SBF2: variants seen among roughly 807,000 people sequenced by gnomAD.
SBF2 encodes SET binding factor 2.
Under a neutral mutation model 225.2 loss-of-function variants are expected in SBF2, and 112 were observed. The ratio of observed to expected loss-of-function variants is 0.50; its 90% CI spans 0.43 to 0.58. The LOEUF is 0.58. SBF2 is among the 20% of genes least tolerant of loss of function. The pLI is 0.00. For missense variants in SBF2, 1,996 were observed against 2,206.2 expected, an observed-to-expected ratio of 0.90 and a Z score of 1.91; for synonymous variants, 763 against 773.3, an observed-to-expected ratio of 0.99 and a Z score of 0.22.
At chr11:10,086,457 A>G (rs375362176) in intron 2 of SBF2, among the ~76,000 whole-genome samples, 2 of 152,300 alleles carry the variant, frequency 1.3e-5, no homozygotes, top group East Asian at 3.9e-4. Context: ...ATAATATATA[A>G]GTGGCTTGCT....
chr11:9,898,913 T>C (rs998185321), intron 16 of SBF2, among the ~76,000 whole-genome samples: 2 of 151,514 alleles, frequency 1.3e-5, no homozygotes, highest in Non-Finnish European at 2.9e-5. Flanking sequence ...GGACAGAAAC[T>C]TGGGAAAGAT....
chr11:10,205,499 C>T (rs1317379626), intron 1 of SBF2, among the ~76,000 whole-genome samples: 1 of 151,702 alleles, frequency 6.6e-6, no homozygotes, highest in Admixed American at 6.6e-5. Flanking sequence ...GGACATCTTA[C>T]CTATCTCTAC....
chr11:10,186,866 A>G (rs974201188), intron 2 of SBF2, among the ~76,000 whole-genome samples: 4 of 152,230 alleles, frequency 2.6e-5, no homozygotes, highest in Non-Finnish European at 5.9e-5. Flanking sequence ...CAAAGACCAA[A>G]CATTTATTTT....
upstream of SBF2, among the ~76,000 whole-genome samples, chr11:10,294,793 G>A (rs1160245269): frequency 1.3e-5 from 2 of 152,218 alleles, no homozygotes; most frequent in African/African-American, 4.8e-5. Flanking sequence ...CGGAGCGCCC[G>A]GGAGAGCCAG....
chr11:10,146,155 A>T (rs899999995), intron 2 of SBF2, among the ~76,000 whole-genome samples: 10 of 152,198 alleles, frequency 6.6e-5, no homozygotes, highest in African/African-American at 2.4e-4. Flanking sequence ...TGCCCAAAGA[A>T]ATTTATAGAT....
At chr11:9,888,143 T>C (rs1321503577) in intron 17 of SBF2, among the ~76,000 whole-genome samples, 2 of 152,180 alleles carry the variant, frequency 1.3e-5, no homozygotes, top group African/African-American at 4.8e-5. Flanking sequence ...AACTTCTGAA[T>C]TATTAGTGAA....
At chr11:9,959,713 T>C in intron 16 of SBF2, 1 of 699,692 alleles carries the variant, frequency 1.4e-6, no homozygotes, top group South Asian at 1.4e-5. Context: ...GGCCTGGACT[T>C]TCTCACCCTG....
At chr11:9,784,924 C>T in intron 37 of SBF2, 5 of 621,000 alleles carry the variant, frequency 8.1e-6, no homozygotes, top group Non-Finnish European at 8.6e-6. Context: ...TAACTACAAC[C>T]TCTTCGAATT....
intron 2 of SBF2, among the ~76,000 whole-genome samples, chr11:10,186,885 A>G (rs753977637): frequency 1.3e-5 from 2 of 152,226 alleles, no homozygotes; most frequent in Non-Finnish European, 2.9e-5. Flanking sequence ...TTTTCATTAT[A>G]CCACAAAGAC....
At chr11:9,906,646 G>A (rs1015008001) in intron 16 of SBF2, among the ~76,000 whole-genome samples, 2 of 152,178 alleles carry the variant, frequency 1.3e-5, no homozygotes, top group African/African-American at 4.8e-5. Context: ...TACAACTATT[G>A]ACACAGCAAC....
At chr11:9,981,310 G>A (rs1179367482) in intron 13 of SBF2, among the ~76,000 whole-genome samples, 2 of 152,192 alleles carry the variant, frequency 1.3e-5, no homozygotes, top group Non-Finnish European at 2.9e-5. Context: ...GACAGGGGAG[G>A]AAAGGAGTAG....
At chr11:9,971,039 C>T (rs1199749886) in intron 13 of SBF2, among the ~76,000 whole-genome samples, 1 of 152,112 alleles carries the variant, frequency 6.6e-6, no homozygotes, top group Non-Finnish European at 1.5e-5. Context: ...CATATACTGT[C>T]TTCCCAAAAA....
intron 14 of SBF2, among the ~76,000 whole-genome samples, chr11:9,967,104 G>A (rs1475919349): frequency 2.6e-5 from 4 of 152,212 alleles, no homozygotes; most frequent in African/African-American, 9.7e-5. Context: ...TGGCACAGAG[G>A]CTCACGCCTG....
chr11:9,880,327 A>C (rs1466807034), intron 17 of SBF2, among the ~76,000 whole-genome samples: 1 of 152,162 alleles, frequency 6.6e-6, no homozygotes, highest in Non-Finnish European at 1.5e-5. Context: ...TAAACTGAAG[A>C]GGTTTTACAT....
At chr11:9,866,546 C>A (rs554096005) in intron 17 of SBF2, among the ~76,000 whole-genome samples, 19 of 152,258 alleles carry the variant, frequency 1.2e-4, no homozygotes, top group Non-Finnish European at 2.5e-4. Flanking sequence ...TGAGACTAGA[C>A]CTCCATCTCT....
chr11:9,883,254 C>G (rs1859977769), intron 17 of SBF2, among the ~76,000 whole-genome samples: 1 of 151,992 alleles, frequency 6.6e-6, no homozygotes, highest in South Asian at 2.1e-4. Flanking sequence ...ATAGCACTTA[C>G]TATGTACCAG....
chr11:10,194,085 A>G, intron 1 of SBF2, 98 bp from the exon 2 acceptor site: 1 of 869,274 alleles, frequency 1.2e-6, no homozygotes, highest in South Asian at 1.4e-5. Context: ...TTTGGTAAAT[A>G]AGTTAATAAA....
intron 2 of SBF2, among the ~76,000 whole-genome samples, chr11:10,084,950 G>C (rs1048561490): frequency 8.5e-5 from 13 of 152,202 alleles, no homozygotes; most frequent in African/African-American, 3.1e-4. Flanking sequence ...CTATGGCGGG[G>C]GTAGCATGGT....
At chr11:10,049,897 C>T (rs1209727050) in intron 2 of SBF2, among the ~76,000 whole-genome samples, 1 of 152,088 alleles carries the variant, frequency 6.6e-6, no homozygotes, top group Non-Finnish European at 1.5e-5. Context: ...AAACTTCTTT[C>T]GTGAATAAGG....
Sources: gnomAD v4.1 joint callset for allele counts (sites outside exome capture counted in the v4.1 genomes callset) on GRCh38, gnomAD v4.1.1 for gene constraint, MANE v1.5 for transcripts, NCBI Gene and HGNC (gene_info 2026-07-23, HGNC 2026-07-21) for gene names.